Variants in DOCK7 observed in about 807,000 individuals in gnomAD.
The protein encoded by DOCK7 is dedicator of cytokinesis 7.
DOCK7 carries 138 observed loss-of-function variants against 271.0 expected under a neutral mutation model. That is an observed-to-expected ratio of 0.51 (90% CI 0.44 to 0.59). The LOEUF (loss-of-function observed/expected upper bound fraction) is 0.59. DOCK7 is among the 20% of genes least tolerant of loss of function. The pLI is 0.00. For synonymous variants in DOCK7, 823 were observed against 876.1 expected, an observed-to-expected ratio of 0.94 and a Z score of 1.07; for missense variants, 2,066 against 2,592.4, an observed-to-expected ratio of 0.80 and a Z score of 4.41.
rs35648144 is a variant in DOCK7 at position 62,552,798 on chromosome 1, G to A, written c.2700C>T (p.Ser900=). 2.6e-4 allele frequency: 413 copies of A among 1,613,954 alleles called. 4 individuals are homozygous for A. The African/African-American group carries it at 4.8e-3, about 19-fold the overall frequency. Reference sequence around the variant, plus strand: ...TGGGAGTCCCAGATATATCTGGATTGCTATTACTAAGGCTTCGAGAACGAT... The same window carrying A: ...TGGGAGTCCCAGATATATCTGGATTACTATTACTAAGGCTTCGAGAACGAT... The part of the protein sequence containing the change: ...NLNRSRSLSN[S]NPDISGTPTS... Residue 900 remains serine, a synonymous_variant, in exon 22 of 50, where the codon AGC becomes AGT. Transcript: ENST00000635253.
At chr1:62,490,996 T>G (rs1275919555) in intron 41 of DOCK7, among the ~76,000 whole-genome samples, 1 of 152,212 alleles carries the variant, frequency 6.6e-6, no homozygotes, top group African/African-American at 2.4e-5. Context: ...TAGTACTTAC[T>G]TGGAACGAGG....
intron 48 of DOCK7, among the ~76,000 whole-genome samples, chr1:62,472,868 A>G (rs1168005): frequency 0.99 from 150,696 of 152,270 alleles, 74,584 homozygotes; most frequent in Middle Eastern, 1. Context: ...TTTTGGCACT[A>G]AGTCTCCAAT....
chr1:62,513,065 T>C (rs1644535605), intron 33 of DOCK7, among the ~76,000 whole-genome samples: 1 of 151,908 alleles, frequency 6.6e-6, no homozygotes. Context: ...CTACGCATAC[T>C]AAGGGGTATA....
intron 31 of DOCK7, among the ~76,000 whole-genome samples, chr1:62,515,005 A>G (rs552853423): frequency 2.6e-5 from 4 of 152,284 alleles, no homozygotes; most frequent in Admixed American, 2.0e-4. Context: ...TGAAGTCATG[A>G]TCTCAACTAC....
chr1:62,640,648 T>C (rs1294981882), intron 7 of DOCK7, among the ~76,000 whole-genome samples: 3 of 152,246 alleles, frequency 2.0e-5, no homozygotes, highest in Admixed American at 6.5e-5. Flanking sequence ...TGGTTGCACA[T>C]GTTCCCAGTC....
chr1:62,601,810 C>T, intron 14 of DOCK7: 1 of 1,610,000 alleles, frequency 6.2e-7, no homozygotes, highest in Non-Finnish European at 8.5e-7. Context: ...CAGAGGTGAA[C>T]ATACAAGTGG....
rs1251571106 is a variant in DOCK7, at chr1:62,660,318, T to C, written c.144+2707A>G. Among the ~76,000 whole-genome samples, 3 of 152,060 alleles carry C rather than the reference T, an allele frequency of 2.0e-5. No homozygotes were observed. In the East Asian group the frequency reaches 5.8e-4, roughly 29 times the overall value. ...AGAAATTAAACATACTTCTGAATAA[T>C]CCATGAGTTACAAAAGTCTGAAAAA... is the stretch of plus-strand genomic sequence containing the variant. On this transcript the variant is annotated intron_variant, in intron 2 of 49. Coordinates refer to ENST00000635253, the MANE Select transcript of DOCK7 (RefSeq NM_001367561.1).
intron 2 of DOCK7, among the ~76,000 whole-genome samples, chr1:62,661,505 A>C (rs1054610512): frequency 6.6e-6 from 1 of 151,930 alleles, no homozygotes; most frequent in African/African-American, 2.4e-5. Flanking sequence ...TACATATATA[A>C]ATATTTTTTT....
rs573785426 is a variant in DOCK7, at chr1:62,662,143, C to T, written c.144+882G>A. Among the ~76,000 whole-genome samples, 7 of 152,292 alleles carry T rather than the reference C, an allele frequency of 4.6e-5. No individual in the cohort carries two copies. In the East Asian group the frequency reaches 1.3e-3, roughly 29 times the overall value. On this transcript the variant is annotated intron_variant, in intron 2 of 49. Transcript: ENST00000635253. ...ATGCTAATATATAACTCCACCCTAT[C>T]ATGCTTATTTGCTTTTTTTAGTTTC...
chr1:62,571,180 G>A (rs970956874), intron 18 of DOCK7, among the ~76,000 whole-genome samples: 2 of 151,994 alleles, frequency 1.3e-5, no homozygotes, highest in Non-Finnish European at 2.9e-5. Flanking sequence ...AATATCCAGA[G>A]TCTACAAGGA....
chr1:62,602,485 C>G, intron 14 of DOCK7: 1 of 914,306 alleles, frequency 1.1e-6, no homozygotes, highest in Non-Finnish European at 1.8e-6. Flanking sequence ...GAACGAGAAG[C>G]AGTCTCAGCC....
intron 4 of DOCK7, among the ~76,000 whole-genome samples, chr1:62,650,869 C>T (rs1432014889): frequency 1.2e-4 from 18 of 152,170 alleles, no homozygotes; most frequent in Non-Finnish European, 2.4e-4. Flanking sequence ...AGTTCAACCA[C>T]TGTGGAAGAC....
At chr1:62,549,565 T>A (rs1293664056) in intron 22 of DOCK7, among the ~76,000 whole-genome samples, 1 of 152,212 alleles carries the variant, frequency 6.6e-6, no homozygotes, top group African/African-American at 2.4e-5. Context: ...TGAAATATTT[T>A]GATAAAGATG....
intron 18 of DOCK7, among the ~76,000 whole-genome samples, chr1:62,572,354 C>T (rs1182031074): frequency 6.6e-6 from 1 of 152,188 alleles, no homozygotes; most frequent in Non-Finnish European, 1.5e-5. Context: ...TGGCACTATT[C>T]CAAATGCTCT....
intron 2 of DOCK7, among the ~76,000 whole-genome samples, chr1:62,660,827 G>A (rs999343572): frequency 2.6e-5 from 4 of 151,150 alleles, no homozygotes; most frequent in Non-Finnish European, 5.9e-5. Flanking sequence ...AATCAGCCAC[G>A]CATGGTGGCT....
chr1:62,492,899 A>G, intron 40 of DOCK7, 52 bp from the exon 41 acceptor site: 2 of 1,466,854 alleles, frequency 1.4e-6, no homozygotes, highest in East Asian at 4.7e-5. Flanking sequence ...TTCTAGCATA[A>G]AAATGTATAA....
intron 14 of DOCK7, chr1:62,609,250 T>C (rs573498480): frequency 8.5e-5 from 13 of 152,332 alleles, no homozygotes; most frequent in African/African-American, 2.9e-4. Flanking sequence ...AATGACATTT[T>C]AGGAAATATA....
intron 19 of DOCK7, among the ~76,000 whole-genome samples, chr1:62,560,031 T>C (rs1646272223): frequency 6.6e-6 from 1 of 152,186 alleles, no homozygotes; most frequent in Non-Finnish European, 1.5e-5. Flanking sequence ...TTGTTTCAAC[T>C]TGCCCCATGT....
At chr1:62,646,085 TGCAGTAA>T (rs1442617759) in intron 7 of DOCK7, among the ~76,000 whole-genome samples, 2 of 150,124 alleles carry the variant, frequency 1.3e-5, no homozygotes, top group Non-Finnish European at 2.9e-5. Context: ...AGGCGGAGGT[TGCAGTAA>T]GCCGAGATCG....
Sources: allele counts gnomAD v4.1 joint callset (sites outside exome capture counted in the v4.1 genomes callset), GRCh38; gene constraint gnomAD v4.1.1; transcripts MANE v1.5; gene names NCBI Gene and HGNC (gene_info 2026-07-23, HGNC 2026-07-21).